ARHGEF7: variants seen among roughly 807,000 people sequenced by gnomAD.
ARHGEF7 encodes Rho guanine nucleotide exchange factor 7.
A neutral mutation model predicts 109.8 loss-of-function variants in ARHGEF7; 33 were observed. The ratio of observed to expected loss-of-function variants is 0.30; its 90% CI spans 0.23 to 0.40. ARHGEF7 has a LOEUF of 0.40. Ranked by LOEUF, ARHGEF7 falls within the 10% of genes least tolerant of loss-of-function variation. The probability of loss-of-function intolerance (pLI) is 1.00; values close to 1 mark genes in which losing one functional copy is unlikely to be tolerated. For synonymous variants in ARHGEF7, 458 were observed against 424.6 expected, an observed-to-expected ratio of 1.08 and a Z score of -0.97; for missense variants, 938 against 1,098.5, an observed-to-expected ratio of 0.85 and a Z score of 2.07.
At chr13:111,187,200 G>T (rs767350336) in intron 2 of ARHGEF7, among the ~76,000 whole-genome samples, 1 of 152,212 alleles carries the variant, frequency 6.6e-6, no homozygotes, top group Non-Finnish European at 1.5e-5. Context: ...TTATGTGTGG[G>T]TTTGCCAGAA....
chr13:111,227,446 C>T (rs1270800443), intron 5 of ARHGEF7, among the ~76,000 whole-genome samples: 1 of 152,212 alleles, frequency 6.6e-6, no homozygotes, highest in Non-Finnish European at 1.5e-5. Context: ...AGACCCTCTA[C>T]AAAGAGATTA....
intron 17 of ARHGEF7, among the ~76,000 whole-genome samples, 182 bp downstream of exon 17, chr13:111,286,422 C>A (rs1435454931): frequency 6.6e-6 from 1 of 152,136 alleles, no homozygotes; most frequent in Non-Finnish European, 1.5e-5. Context: ...AGGAGAAGCG[C>A]CTTTGTGTCA....
intron 1 of ARHGEF7, among the ~76,000 whole-genome samples, chr13:111,152,560 G>A (rs1418570760): frequency 6.6e-6 from 1 of 152,142 alleles, no homozygotes; most frequent in Non-Finnish European, 1.5e-5. Flanking sequence ...CTGAACACTT[G>A]GTTTTGATGT....
intron 8 of ARHGEF7, among the ~76,000 whole-genome samples, chr13:111,256,561 G>T (rs1470439749): frequency 6.6e-6 from 1 of 152,190 alleles, no homozygotes; most frequent in East Asian, 1.9e-4. Flanking sequence ...TTTCGTGTTT[G>T]TGCCGATCTC....
intron 2 of ARHGEF7, chr13:111,182,431 C>CGCCTTTAAATCTGAGGA (rs1467252505): frequency 6.6e-6 from 1 of 152,406 alleles, no homozygotes; most frequent in Non-Finnish European, 1.5e-5. Context: ...TGACTCCATC[C>CGCCTTTAAATCTGAGGA]GCCTTTAAAT....
intron 1 of ARHGEF7, among the ~76,000 whole-genome samples, 162 bp downstream of exon 1, chr13:111,115,853 C>CG (rs983675374): frequency 1.6e-5 from 2 of 128,544 alleles, no homozygotes; most frequent in Non-Finnish European, 3.4e-5. Flanking sequence ...GGCGGGAGCT[C>CG]GGGGGGCGCC....
At chr13:111,120,422 C>A (rs557127283) in intron 1 of ARHGEF7, among the ~76,000 whole-genome samples, 1 of 152,218 alleles carries the variant, frequency 6.6e-6, no homozygotes, top group Non-Finnish European at 1.5e-5. Context: ...TATGCACACA[C>A]GCATGCATGC....
Position 111,132,907 on chromosome 13 carries a change from TAC to T in ARHGEF7, c.165+17226_165+17227del, listed in dbSNP as rs749877892. ...GATATTGAGGGAAGGGAGAATGATA[TAC>T]ACACACACATACATGTACACACATA... On this transcript the variant is annotated intron_variant, in intron 1 of 21. Transcript: ENST00000646102. Among the ~76,000 whole-genome samples, 12 of 151,892 alleles carry T rather than the reference TAC, an allele frequency of 7.9e-5. No individual in the cohort carries two copies. In the South Asian group the frequency reaches 8.3e-4, roughly 11 times the overall value.
intron 1 of ARHGEF7, among the ~76,000 whole-genome samples, chr13:111,119,654 C>T (rs147414001): frequency 3.3e-5 from 5 of 152,288 alleles, no homozygotes; most frequent in African/African-American, 1.2e-4. Flanking sequence ...CAAACTGTAA[C>T]CTGGCAGCCC....
intron 2 of ARHGEF7, among the ~76,000 whole-genome samples, chr13:111,181,127 A>G (rs2078691280): frequency 6.6e-6 from 1 of 152,250 alleles, no homozygotes; most frequent in South Asian, 2.1e-4. Context: ...TCAAAATTCA[A>G]ACTTCAACAA....
chr13:111,163,169 TA>T (rs1352675585), intron 2 of ARHGEF7, among the ~76,000 whole-genome samples: 1 of 152,242 alleles, frequency 6.6e-6, no homozygotes, highest in African/African-American at 2.4e-5. Flanking sequence ...GGAAGTTAAG[TA>T]AAAATATTGT....
chr13:111,295,647 G>T (rs1729967195), intron 19 of ARHGEF7, among the ~76,000 whole-genome samples: 1 of 152,212 alleles, frequency 6.6e-6, no homozygotes, highest in African/African-American at 2.4e-5. Flanking sequence ...ATAGGACAAG[G>T]TGCAGACAGT....
At chr13:111,192,724 A>T (rs79541686) in intron 2 of ARHGEF7, among the ~76,000 whole-genome samples, 1 of 152,198 alleles carries the variant, frequency 6.6e-6, no homozygotes, top group African/African-American at 2.4e-5. Flanking sequence ...CTGGAAGGGT[A>T]CCGAGTTACC....
At chr13:111,285,015 A>G (rs2092959689) in intron 16 of ARHGEF7, among the ~76,000 whole-genome samples, 1 of 152,234 alleles carries the variant, frequency 6.6e-6, no homozygotes, top group Non-Finnish European at 1.5e-5. Context: ...AATTTTTTAT[A>G]GAAATACTTT....
chr13:111,246,124 A>C (rs1346380862), intron 8 of ARHGEF7, among the ~76,000 whole-genome samples: 1 of 152,210 alleles, frequency 6.6e-6, no homozygotes, highest in Non-Finnish European at 1.5e-5. Context: ...TCAGACATTA[A>C]AGGATATTTG....
intron 2 of ARHGEF7, among the ~76,000 whole-genome samples, chr13:111,185,786 G>A (rs1275825709): frequency 6.6e-6 from 1 of 152,096 alleles, no homozygotes; most frequent in African/African-American, 2.4e-5. Flanking sequence ...TTGTGTCTGA[G>A]ACCACCCCTC....
chr13:111,301,430 T>C (rs2093564575), intron 20 of ARHGEF7, 48 bp from the exon 21 acceptor site: 1 of 1,555,666 alleles, frequency 6.4e-7, no homozygotes. Flanking sequence ...GTGTGTCCTC[T>C]CCATGCCTCA....
chr13:111,232,890 C>T (rs1363122060), intron 5 of ARHGEF7, among the ~76,000 whole-genome samples: 1 of 152,182 alleles, frequency 6.6e-6, no homozygotes, highest in Non-Finnish European at 1.5e-5. Flanking sequence ...ATTTACCACA[C>T]TATGGAATTG....
chr13:111,211,490 T>C (rs2082488400), intron 4 of ARHGEF7, among the ~76,000 whole-genome samples: 2 of 152,252 alleles, frequency 1.3e-5, no homozygotes, highest in African/African-American at 4.8e-5. Context: ...GTAATGTTAC[T>C]GAGATCATAG....
Sources: allele counts gnomAD v4.1 joint callset (sites outside exome capture counted in the v4.1 genomes callset), GRCh38; gene constraint gnomAD v4.1.1; transcripts MANE v1.5; gene names NCBI Gene and HGNC (gene_info 2026-07-23, HGNC 2026-07-21).